DENND2C: variants seen among roughly 807,000 people sequenced by gnomAD.
DENND2C encodes DENN domain containing 2C, also known as DENN domain-containing protein 2C.
DENND2C carries 72 observed loss-of-function variants against 112.4 expected under a neutral mutation model. That is an observed-to-expected ratio of 0.64 (90% CI 0.53 to 0.78). The LOEUF is 0.78. Among genes scored for constraint, DENND2C ranks in the 30% least tolerant of loss-of-function variants. The pLI, the probability that DENND2C is intolerant of heterozygous loss-of-function variation, is 0.00. For synonymous variants in DENND2C, 329 were observed against 381.6 expected, an observed-to-expected ratio of 0.86 and a Z score of 1.61; for missense variants, 992 against 1,113.8, an observed-to-expected ratio of 0.89 and a Z score of 1.56.
chr1:114,666,185 C>A (rs1657643557), intron 1 of DENND2C, among the ~76,000 whole-genome samples: 1 of 152,304 alleles, frequency 6.6e-6, no homozygotes, highest in South Asian at 2.1e-4. Context: ...CCTCTCCTCT[C>A]CATCCCTATT....
At chr1:114,604,870 ATTTATTTTT>A (rs1157533745) in intron 11 of DENND2C, 43 bp downstream of exon 11, 10 of 1,324,566 alleles carry the variant, frequency 7.5e-6, no homozygotes, top group Non-Finnish European at 1.1e-5. Flanking sequence ...AAATACTCTG[ATTTATTTTT>A]GCAGGTCTAA....
intron 3 of DENND2C, among the ~76,000 whole-genome samples, chr1:114,634,780 C>A (rs1160395205): frequency 1.3e-5 from 2 of 152,064 alleles, no homozygotes; most frequent in Non-Finnish European, 2.9e-5. Flanking sequence ...GTAATCCCAG[C>A]ACTTTGGGAG....
intron 2 of DENND2C, among the ~76,000 whole-genome samples, chr1:114,648,407 G>T (rs140431124): frequency 1.3e-5 from 2 of 152,150 alleles, no homozygotes; most frequent in Non-Finnish European, 2.9e-5. Flanking sequence ...AATAGGAGTC[G>T]AATACCCCCA....
intron 3 of DENND2C, among the ~76,000 whole-genome samples, chr1:114,630,463 T>C (rs982039295): frequency 2.6e-5 from 4 of 152,136 alleles, no homozygotes; most frequent in Non-Finnish European, 5.9e-5. Flanking sequence ...AGATACTGGA[T>C]AACAGACAGC....
intron 3 of DENND2C, among the ~76,000 whole-genome samples, chr1:114,635,698 A>G (rs879610838): frequency 2.0e-5 from 3 of 152,158 alleles, no homozygotes; most frequent in Non-Finnish European, 4.4e-5. Flanking sequence ...CATAAATGCA[A>G]AAGTCCCTCT....
At chr1:114,644,673 C>T (rs1656930272) in intron 3 of DENND2C, among the ~76,000 whole-genome samples, 1 of 152,078 alleles carries the variant, frequency 6.6e-6, no homozygotes, top group South Asian at 2.1e-4. Context: ...TCATTCTATC[C>T]TCATAACAAT....
At chr1:114,651,057 C>T (rs10776786) in intron 2 of DENND2C, among the ~76,000 whole-genome samples, 124,120 of 151,822 alleles carry the variant, frequency 0.82, 51,013 homozygotes, top group South Asian at 0.89. Flanking sequence ...TGCAGTGAGC[C>T]GAGATCGTGC....
intron 20 of DENND2C, chr1:114,587,051 C>T (rs1655057945): frequency 4.5e-6 from 1 of 221,048 alleles, no homozygotes; most frequent in East Asian, 9.9e-5. Context: ...GTGCCTGCCA[C>T]TAAACCAGGC....
intron 17 of DENND2C, chr1:114,595,597 G>A (rs2101644201): frequency 2.4e-6 from 1 of 419,700 alleles, no homozygotes; most frequent in Non-Finnish European, 4.3e-6. Context: ...TACCTCTTTT[G>A]AGAATGAGAC....
chr1:114,625,511 TG>T lies in DENND2C; in HGVS notation c.473del (p.Pro158GlnfsTer5). ...CTAAAGCCAAATTTAAGAGTTTATC[TG>T]GGGGAAGTGCTTCTATTTTCTTCCA... ...ILWKKIEALP[P>X]DKLLNLALEH... is the part of the protein sequence containing the mutation. On this transcript the variant is annotated frameshift_variant, in exon 4 of 21. Coordinates refer to ENST00000393274, the MANE Select transcript of DENND2C (RefSeq NM_001256404.2). LOFTEE classifies it high-confidence loss of function. 6.2e-7 allele frequency: 1 copy of T among 1,614,114 alleles called. No individual in the cohort carries two copies. Among genetic ancestry groups the T allele is most frequent in the South Asian group, 1.1e-5 (1 of 91,080 alleles).
chr1:114,632,946 G>A lies in DENND2C; in HGVS notation c.-204-6758C>T, dbSNP rs542150619. Reference sequence around the variant, plus strand: ...AGATATCTGGATCTAAAAAAGGAATGAGGAGAACAAAAAATGGTACTTGTG... The same window carrying A: ...AGATATCTGGATCTAAAAAAGGAATAAGGAGAACAAAAAATGGTACTTGTG... On this transcript the variant is annotated intron_variant, in intron 3 of 20. Transcript: ENST00000393274. Among the ~76,000 whole-genome samples, 257 of 152,160 alleles carry A rather than the reference G, an allele frequency of 1.7e-3. 1 individual carries two copies. Among genetic ancestry groups the A allele is most frequent in the South Asian group, 7.2e-3 (35 of 4,828 alleles).
intron 3 of DENND2C, among the ~76,000 whole-genome samples, chr1:114,637,238 G>A (rs1238014605): frequency 2.4e-4 from 37 of 151,272 alleles, no homozygotes; most frequent in Admixed American, 2.4e-3. Context: ...AAAGTGGTAG[G>A]AGTAGCTGTA....
chr1:114,623,525 T>C lies in DENND2C; in HGVS notation c.925A>G (p.Ile309Val). Residue 309 changes from isoleucine to valine, a missense_variant, in exon 5 of 21, where the codon ATC becomes GTC. Transcript: ENST00000393274. ...CACCTACATATGATATCTTCATAGA[T>C]ATTGTCCTCAGACTGTGTGTAATAA... The part of the protein sequence containing the change: ...ALYYTQSEDN[I>V]YEDIIYPTKE... 1.2e-6 allele frequency: 2 copies of C among 1,606,656 alleles called. No homozygotes were observed. Among genetic ancestry groups the C allele is most frequent in the Non-Finnish European group, 1.7e-6 (2 of 1,177,196 alleles).
chr1:114,630,256 C>T (rs1053723307), intron 3 of DENND2C, among the ~76,000 whole-genome samples: 7 of 151,312 alleles, frequency 4.6e-5, no homozygotes, highest in African/African-American at 1.5e-4. Context: ...TTCAGTGAGC[C>T]GAGATCGCGC....
At chr1:114,618,204 A>G (rs1042832687) in intron 8 of DENND2C, among the ~76,000 whole-genome samples, 182 bp downstream of exon 8, 5 of 151,930 alleles carry the variant, frequency 3.3e-5, no homozygotes, top group Non-Finnish European at 7.4e-5. Flanking sequence ...TAGCCAGGAT[A>G]GTCTCGATCT....
chr1:114,663,370 T>A (rs1025582606), intron 1 of DENND2C, among the ~76,000 whole-genome samples: 2 of 152,240 alleles, frequency 1.3e-5, no homozygotes, highest in African/African-American at 4.8e-5. Flanking sequence ...CATACTTTTT[T>A]ATTCTGACTC....
chr1:114,614,192 A>G (rs1354683367), intron 8 of DENND2C, among the ~76,000 whole-genome samples: 1 of 150,466 alleles, frequency 6.6e-6, no homozygotes, highest in Non-Finnish European at 1.5e-5. Flanking sequence ...TGTTTGCATC[A>G]TTGCACCCCA....
At chr1:114,620,156 T>G (rs1656125380) in intron 7 of DENND2C, among the ~76,000 whole-genome samples, 2 of 152,190 alleles carry the variant, frequency 1.3e-5, no homozygotes, top group Non-Finnish European at 2.9e-5. Context: ...TGGACTTTCT[T>G]ATAGAATGTT....
At chr1:114,588,047 G>T (rs1655089421) in intron 18 of DENND2C, 95 bp from the exon 19 acceptor site, 1 of 1,040,832 alleles carries the variant, frequency 9.6e-7, no homozygotes, top group African/African-American at 1.6e-5. Flanking sequence ...TGCCTAAGAA[G>T]TTATAGATTA....
Sources: allele counts gnomAD v4.1 joint callset (sites outside exome capture counted in the v4.1 genomes callset), GRCh38; gene constraint gnomAD v4.1.1; transcripts MANE v1.5; gene names NCBI Gene and HGNC (gene_info 2026-07-23, HGNC 2026-07-21).